Variants in C12orf76 observed in about 807,000 individuals in gnomAD.
The protein encoded by C12orf76 is uncharacterized protein C12orf76.
C12orf76 carries 6 observed loss-of-function variants against 6.8 expected under a neutral mutation model. The observed-to-expected ratio is 0.88, with a 90% CI of 0.48 to 1.73. The LOEUF (loss-of-function observed/expected upper bound fraction) is 1.73, where lower values mean the gene tolerates loss of function less well. Among genes scored for constraint, C12orf76 ranks in the 40% most tolerant of loss-of-function variants. The pLI is 0.01. For missense variants in C12orf76, 99 were observed against 98.2 expected (o/e 1.01, Z -0.03); for synonymous variants, 56 against 43.7 (o/e 1.28, Z -1.11).
chr12:110,064,269 C>A (rs577421345), intron 2 of C12orf76, among the ~76,000 whole-genome samples: 3 of 152,316 alleles, frequency 2.0e-5, no homozygotes, highest in South Asian at 4.1e-4. Context: ...TTGCCTGGGG[C>A]ATATTTTTGG....
chr12:110,070,238 A>C (rs1334078482), upstream of C12orf76, among the ~76,000 whole-genome samples: 2 of 127,768 alleles, frequency 1.6e-5, no homozygotes, highest in East Asian at 4.2e-4. Context: ...ACCCCATTTC[A>C]AAAAAAAAAA....
chr12:110,066,696 G>GA (rs147005035), intron 1 of C12orf76, among the ~76,000 whole-genome samples: 45,516 of 149,304 alleles, frequency 0.3, 7,896 homozygotes, highest in East Asian at 0.66. Context: ...CTCAAAAAAA[G>GA]AAAAAAAAAA....
At chr12:110,046,345 G>C (rs924387730) in intron 1 of C12orf76, among the ~76,000 whole-genome samples, 9 of 152,190 alleles carry the variant, frequency 5.9e-5, no homozygotes, top group African/African-American at 2.2e-4. Context: ...ATAATTGCTC[G>C]AACCCAGGAG....
chr12:110,068,248 AAGAAGAAG>A (rs1465091593), upstream of C12orf76, among the ~76,000 whole-genome samples: 2 of 14,734 alleles, frequency 1.4e-4, no homozygotes, highest in African/African-American at 6.5e-4. Flanking sequence ...AAGAAGAAGA[AAGAAGAAG>A]AAGAAGAAGA....
intron 1 of C12orf76, among the ~76,000 whole-genome samples, chr12:110,043,101 T>G (rs1234765692): frequency 6.6e-6 from 1 of 151,616 alleles, no homozygotes; most frequent in Non-Finnish European, 1.5e-5. Context: ...ACTGAGACCT[T>G]ACGAGTGAGG....
chr12:110,071,763 C>A (rs892495492), upstream of C12orf76, among the ~76,000 whole-genome samples: 62 of 152,050 alleles, frequency 4.1e-4, no homozygotes, highest in African/African-American at 1.5e-3. Flanking sequence ...AATGAACTAC[C>A]ACTGCACACC....
intron 1 of C12orf76, among the ~76,000 whole-genome samples, chr12:110,045,056 C>A (rs1262526737): frequency 6.6e-6 from 1 of 152,162 alleles, no homozygotes; most frequent in South Asian, 2.1e-4. Context: ...GTGACAAAGA[C>A]AGCATGTCAT....
At chr12:110,063,694 C>T (rs961288822) in intron 2 of C12orf76, among the ~76,000 whole-genome samples, 33 of 151,320 alleles carry the variant, frequency 2.2e-4, no homozygotes, top group African/African-American at 8.0e-4. Context: ...ATGGTGTGAT[C>T]TCAGCTCACT....
At chr12:110,059,429 C>T (rs767113534) in intron 2 of C12orf76, among the ~76,000 whole-genome samples, 3 of 152,208 alleles carry the variant, frequency 2.0e-5, no homozygotes, top group Non-Finnish European at 4.4e-5. Flanking sequence ...TGAAAGCGGG[C>T]ATCCTCGTCC....
At chr12:110,067,407 T>G in intron 1 of C12orf76, 1 of 985,418 alleles carries the variant, frequency 1.0e-6, no homozygotes, top group Non-Finnish European at 1.2e-6. Context: ...AAGCCAGGAC[T>G]AGAGAAGTAG....
chr12:110,066,431 T>TA (rs1161527272), intron 1 of C12orf76, among the ~76,000 whole-genome samples: 1 of 124,464 alleles, frequency 8.0e-6, no homozygotes, highest in Non-Finnish European at 1.6e-5. Context: ...CTCACGCCTG[T>TA]AATCCCAGCA....
At chr12:110,073,599 G>T in exon 1 of C12orf76, 1 of 455,386 alleles carries the variant, frequency 2.2e-6, no homozygotes. Flanking sequence ...CTCCCAGATG[G>T]GGCCACAGCA....
Position 110,054,872 on chromosome 12 carries a change from G to A in C12orf76, n.664+2317C>T, listed in dbSNP as rs879612961. On this transcript the variant is annotated intron_variant and non_coding_transcript_variant, in intron 4 of 4. Coordinates refer to the C12orf76 transcript ENST00000309050. The surrounding 1 kb of genome is among the most constrained non-coding windows in gnomAD (Gnocchi z 4.4). ...ACGCAGTGGCTATTTCACAGGTGCA[G>A]TCACAGCACACTACAGCCACAAACT... 2.0e-5 allele frequency among the ~76,000 whole-genome samples: 3 copies of A among 152,180 alleles called. No homozygotes were observed. The highest frequency in any genetic ancestry group is 3.2e-3 in the Middle Eastern group (1 of 316).
At chr12:110,052,370 A>AT (rs1435360707), upstream of C12orf76, among the ~76,000 whole-genome samples, 32 of 151,548 alleles carry the variant, frequency 2.1e-4, no homozygotes, top group Non-Finnish European at 1.5e-4. Flanking sequence ...AATTTCTATT[A>AT]TTTTTTCTAG....
chr12:110,048,743 G>A (rs1352341416), upstream of C12orf76: 2 of 1,035,406 alleles, frequency 1.9e-6, no homozygotes, highest in Admixed American at 4.6e-5. Flanking sequence ...AACGTTCGCC[G>A]CGATTACCGT....
chr12:110,051,211 T>C (rs1458808529), upstream of C12orf76: 1 of 773,740 alleles, frequency 1.3e-6, no homozygotes, highest in East Asian at 2.4e-5. Context: ...CATAGCACAG[T>C]GGGGTGGGAG....
At chr12:110,049,199 G>A (rs1024930117), upstream of C12orf76, 1 of 152,224 alleles carries the variant, frequency 6.6e-6, no homozygotes, top group South Asian at 2.1e-4. Flanking sequence ...TTTATACTCA[G>A]TACCTGTTTT....
At chr12:110,072,562 A>G (rs1169649393), upstream of C12orf76, among the ~76,000 whole-genome samples, 1 of 151,944 alleles carries the variant, frequency 6.6e-6, no homozygotes, top group Non-Finnish European at 1.5e-5. Flanking sequence ...AACTCTGTGA[A>G]TAATCTGAAA....
At chr12:110,062,468 C>T (rs1302559164) in intron 2 of C12orf76, among the ~76,000 whole-genome samples, 1 of 151,988 alleles carries the variant, frequency 6.6e-6, no homozygotes, top group Non-Finnish European at 1.5e-5. Flanking sequence ...AGGGCTCTTA[C>T]TAGGCTGATG....
Sources: gnomAD v4.1 joint callset for allele counts (sites outside exome capture counted in the v4.1 genomes callset) on GRCh38, gnomAD v4.1.1 for gene constraint, Gnocchi (gnomAD v3.1) non-coding constraint, MANE v1.5 for transcripts, NCBI Gene and HGNC (gene_info 2026-07-23, HGNC 2026-07-21) for gene names.